The following CNTNAP5 variants were observed in gnomAD, a reference collection of about 807,000 sequenced individuals.
CNTNAP5 encodes contactin associated protein family member 5, also known as contactin-associated protein-like 5.
CNTNAP5 carries 72 observed loss-of-function variants against 150.2 expected under a neutral mutation model. That is an observed-to-expected ratio of 0.48 (90% CI 0.40 to 0.58). The LOEUF (loss-of-function observed/expected upper bound fraction) is 0.58. Among genes scored for constraint, CNTNAP5 ranks in the 20% least tolerant of loss-of-function variants. CNTNAP5 has a pLI of 0.00. For synonymous variants in CNTNAP5, 672 were observed against 619.8 expected (o/e 1.08, Z -1.25); for missense variants, 1,636 against 1,626.2 (o/e 1.01, Z -0.10).
chr2:124,673,313 T>G (rs1235736522), intron 13 of CNTNAP5, among the ~76,000 whole-genome samples: 4 of 152,160 alleles, frequency 2.6e-5, no homozygotes, highest in African/African-American at 9.7e-5. Flanking sequence ...ATCTGGTGAT[T>G]GCAGTTGCAG....
chr2:124,767,547 A>G (rs918088590), intron 16 of CNTNAP5, among the ~76,000 whole-genome samples: 17 of 152,286 alleles, frequency 1.1e-4, no homozygotes, highest in African/African-American at 3.6e-4. Flanking sequence ...ACTAGAACCC[A>G]ATGTGGATTT....
At chr2:124,038,324 C>T (rs1681279038) in intron 1 of CNTNAP5, among the ~76,000 whole-genome samples, 1 of 152,140 alleles carries the variant, frequency 6.6e-6, no homozygotes, top group Non-Finnish European at 1.5e-5. Context: ...TGCTGCTTGG[C>T]TTGGTTGTGA....
At chr2:124,239,344 C>T (rs914587168) in intron 2 of CNTNAP5, among the ~76,000 whole-genome samples, 10 of 152,004 alleles carry the variant, frequency 6.6e-5, no homozygotes, top group African/African-American at 2.2e-4. Context: ...GAAGGAAAAA[C>T]TTTAAAGCAT....
intron 13 of CNTNAP5, among the ~76,000 whole-genome samples, chr2:124,678,360 G>A (rs1040809867): frequency 6.6e-6 from 1 of 151,712 alleles, no homozygotes. Flanking sequence ...GGTGTCTTAA[G>A]CGGCATTTCA....
At chr2:124,824,216 C>G (rs1362140643) in intron 19 of CNTNAP5, among the ~76,000 whole-genome samples, 2 of 152,004 alleles carry the variant, frequency 1.3e-5, no homozygotes, top group Admixed American at 6.6e-5. Flanking sequence ...CCATGCCTGG[C>G]CCTTATGTTC....
At chr2:124,775,724 G>A (rs889540950) in intron 17 of CNTNAP5, among the ~76,000 whole-genome samples, 2 of 152,134 alleles carry the variant, frequency 1.3e-5, no homozygotes, top group Non-Finnish European at 2.9e-5. Flanking sequence ...AGGGACATTT[G>A]CAACCATGTC....
At chr2:124,702,774 T>C (rs1679549810) in intron 13 of CNTNAP5, among the ~76,000 whole-genome samples, 1 of 152,106 alleles carries the variant, frequency 6.6e-6, no homozygotes, top group Admixed American at 6.6e-5. Context: ...TTTAAGATGA[T>C]TGTCAACAGA....
chr2:124,900,295 C>A (rs1299443390), intron 21 of CNTNAP5, among the ~76,000 whole-genome samples: 1 of 151,536 alleles, frequency 6.6e-6, no homozygotes, highest in African/African-American at 2.4e-5. Flanking sequence ...TACTACATAT[C>A]AGTTAATGCT....
At chr2:124,342,887 G>A (rs1425046056) in intron 3 of CNTNAP5, among the ~76,000 whole-genome samples, 1 of 152,094 alleles carries the variant, frequency 6.6e-6, no homozygotes, top group Non-Finnish European at 1.5e-5. Context: ...ATTAATTCTT[G>A]TTCTGCTTAA....
intron 21 of CNTNAP5, among the ~76,000 whole-genome samples, chr2:124,887,601 T>C (rs1480496078): frequency 1.3e-5 from 2 of 152,164 alleles, no homozygotes; most frequent in African/African-American, 4.8e-5. Context: ...GCACAGTGAC[T>C]GCTAAATATT....
chr2:124,673,213 G>A (rs931296864), intron 13 of CNTNAP5, among the ~76,000 whole-genome samples: 2 of 149,940 alleles, frequency 1.3e-5, no homozygotes, highest in Non-Finnish European at 3.0e-5. Flanking sequence ...TAAGAGTCGA[G>A]TACACAATCT....
At chr2:124,083,222 C>A (rs1682598768) in intron 1 of CNTNAP5, among the ~76,000 whole-genome samples, 2 of 152,136 alleles carry the variant, frequency 1.3e-5, no homozygotes, top group South Asian at 2.1e-4. Flanking sequence ...GTGATGCGTG[C>A]CTGTAATCTC....
chr2:124,804,248 A>G (rs1253075817), intron 19 of CNTNAP5, among the ~76,000 whole-genome samples: 1 of 152,184 alleles, frequency 6.6e-6, no homozygotes, highest in Non-Finnish European at 1.5e-5. Flanking sequence ...CTCCTAGGGA[A>G]GGTCAATGGA....
At chr2:124,195,183 A>T (rs1355874068) in intron 1 of CNTNAP5, among the ~76,000 whole-genome samples, 1 of 152,220 alleles carries the variant, frequency 6.6e-6, no homozygotes, top group African/African-American at 2.4e-5. Flanking sequence ...GCTGGGCACC[A>T]CTGGGAGTGG....
At chr2:124,619,971 T>C (rs552750899) in intron 12 of CNTNAP5, among the ~76,000 whole-genome samples, 1 of 147,520 alleles carries the variant, frequency 6.8e-6, no homozygotes, top group East Asian at 2.0e-4. Flanking sequence ...TTTATTCAGG[T>C]AGTTCTGTCT....
At chr2:124,707,617 A>G (rs17393209) in intron 13 of CNTNAP5, among the ~76,000 whole-genome samples, 31,067 of 151,854 alleles carry the variant, frequency 0.2, 3,276 homozygotes, top group East Asian at 0.24. Context: ...CGATGGCCAG[A>G]AATTGCTAGA....
intron 3 of CNTNAP5, among the ~76,000 whole-genome samples, chr2:124,264,439 G>A (rs1297095442): frequency 1.4e-5 from 2 of 144,464 alleles, no homozygotes; most frequent in Non-Finnish European, 3.0e-5. Flanking sequence ...CACACCAATC[G>A]CCATGGCTAA....
intron 19 of CNTNAP5, among the ~76,000 whole-genome samples, chr2:124,821,107 G>T (rs538398206): frequency 6.6e-6 from 1 of 152,302 alleles, no homozygotes; most frequent in South Asian, 2.1e-4. Context: ...AAGCCAGGGT[G>T]TGTAATTACC....
At chr2:124,025,867 G>C in intron 1 of CNTNAP5, 135 bp downstream of exon 1, 1 of 759,840 alleles carries the variant, frequency 1.3e-6, no homozygotes, top group Non-Finnish European at 2.3e-6. Flanking sequence ...GATCAGTGTG[G>C]TTCCATCACT....
Sources: gnomAD v4.1 joint callset for allele counts (sites outside exome capture counted in the v4.1 genomes callset) on GRCh38, gnomAD v4.1.1 for gene constraint, MANE v1.5 for transcripts, NCBI Gene and HGNC (gene_info 2026-07-23, HGNC 2026-07-21) for gene names.